ABCA13: variants seen among roughly 807,000 people sequenced by gnomAD.
ABCA13 encodes ATP-binding cassette sub-family A member 13.
ABCA13 carries 476 observed loss-of-function variants against 478.7 expected under a neutral mutation model. The observed-to-expected ratio is 0.99, with a 90% CI of 0.92 to 1.07. The LOEUF is 1.07. Among genes scored for constraint, ABCA13 ranks in the 50% least tolerant of loss-of-function variants. ABCA13 has a pLI of 0.00. For missense variants in ABCA13, 6,060 were observed against 5,910.6 expected (o/e 1.03, Z -0.83); for synonymous variants, 2,252 against 2,158.9 (o/e 1.04, Z -1.20).
In ABCA13 at chr7:48,244,500, A is replaced by T; in HGVS notation, c.1263-76A>T. ...CAAAGCAGTGGAATATTTTCCTTTG[A>T]ACGGAATTTTTATTTCCCTAATTGG... On this transcript the variant is annotated intron_variant, in intron 10 of 61. Transcript: ENST00000435803. The T allele has an allele frequency of 2.0e-6, 3 of 1,509,988 alleles. No individual in the cohort carries two copies. The South Asian group carries it at 3.7e-5, about 18-fold the overall frequency. The allele number at this position is 1,509,988 out of a possible 1,614,324, so 93.5% of individuals were successfully genotyped here.
Position 48,213,914 on chromosome 7 carries a change from T to C in ABCA13, c.288-5440T>C, listed in dbSNP as rs534576945. 2.6e-5 allele frequency among the ~76,000 whole-genome samples: 4 copies of C among 152,326 alleles called. No homozygotes were observed. In the South Asian group the frequency reaches 6.2e-4, roughly 24 times the overall value. ...TTCTGTCACATCTTAAGGCTCCACT[T>C]CTAATTCTAGTTCTTTTGCTATTTC... On this transcript the variant is annotated intron_variant, in intron 3 of 61. Coordinates refer to ENST00000435803, the MANE Select transcript of ABCA13 (RefSeq NM_152701.5).
chr7:48,618,981 A>G (rs1057299601), intron 59 of ABCA13, among the ~76,000 whole-genome samples: 4 of 152,222 alleles, frequency 2.6e-5, no homozygotes, highest in Non-Finnish European at 5.9e-5. Flanking sequence ...TGGTTAATAC[A>G]CACACTCCAG....
At chr7:48,532,031 T>C (rs60184691) in intron 55 of ABCA13, among the ~76,000 whole-genome samples, 21,079 of 151,908 alleles carry the variant, frequency 0.14, 1,828 homozygotes, top group African/African-American at 0.23. Context: ...ACTTCCAGTA[T>C]TATGTTGAAT....
intron 15 of ABCA13, among the ~76,000 whole-genome samples, chr7:48,252,696 C>G (rs1362511950): frequency 3.3e-5 from 5 of 152,158 alleles, no homozygotes; most frequent in African/African-American, 1.2e-4. Context: ...AAACCATTTT[C>G]TAGATTTAGT....
chr7:48,275,771 A>C lies in ABCA13; in HGVS notation c.6105A>C (p.Thr2035=). 6.2e-7 allele frequency: 1 copy of C among 1,611,404 alleles called. No homozygotes were observed. Among genetic ancestry groups the C allele is most frequent in the Non-Finnish European group, 8.5e-7 (1 of 1,178,526 alleles). ...TGATGCTCCAGAATGCAAATGTCACAGGTAGCAGTTTAGAAGCATTATCAA... is the reference window on the plus strand; with the variant it reads ...TGATGCTCCAGAATGCAAATGTCACCGGTAGCAGTTTAGAAGCATTATCAA... The part of the protein sequence containing the change: ...LFMMLQNANV[T]GSSLEALSSF... Residue 2035 remains threonine, a synonymous_variant, in exon 17 of 62, where the codon ACA becomes ACC. Transcript: ENST00000435803.
chr7:48,215,635 C>G (rs1584243342), intron 3 of ABCA13, among the ~76,000 whole-genome samples: 2 of 152,112 alleles, frequency 1.3e-5, no homozygotes, highest in Admixed American at 6.6e-5. Flanking sequence ...TAGGCCTGTA[C>G]ACAATTCAAT....
chr7:48,562,686 T>C (rs980542521), intron 55 of ABCA13, among the ~76,000 whole-genome samples: 1 of 152,202 alleles, frequency 6.6e-6, no homozygotes, highest in Non-Finnish European at 1.5e-5. Context: ...ACTGGGGGAC[T>C]AGATGCTGTC....
In ABCA13 at chr7:48,389,058, G is replaced by A. The variant is rs770314081; in HGVS notation, c.11492G>A (p.Arg3831Lys). The change falls in exon 37 of 62, where the codon AGG (arginine) becomes AAG (lysine). Residue 3831 changes from arginine to lysine, a missense_variant. Coordinates refer to ENST00000435803, the MANE Select transcript of ABCA13 (RefSeq NM_152701.5). The stretch of plus-strand genomic sequence containing the variant: ...CTCACAGGGTCATCACTGCAAAACA[G>A]GGAAGGAGAGCTTGAAGGAAGTGCC... The part of the protein sequence containing the change: ...FDNKGSSLQN[R>K]EGELEGSAPG... The A allele has an allele frequency of 1.9e-6, 3 of 1,613,852 alleles. No homozygotes were observed. The highest frequency in any genetic ancestry group is 2.2e-5 in the South Asian group (2 of 91,064).
chr7:48,621,974 C>T (rs1793181905), intron 59 of ABCA13, among the ~76,000 whole-genome samples: 7 of 152,178 alleles, frequency 4.6e-5, no homozygotes, highest in Admixed American at 4.6e-4. Context: ...GGACAGACAG[C>T]ATCTAGAGTA....
In ABCA13 at chr7:48,272,061, G is replaced by A. The variant is rs17547816; in HGVS notation, c.2395G>A (p.Glu799Lys). 65,153 of 1,613,604 alleles carry A rather than the reference G, an allele frequency of 0.04. 1,656 individuals are homozygous for A. The highest frequency in any genetic ancestry group is 0.043 in the Middle Eastern group (260 of 6,062). Residue 799 changes from glutamate (E) to lysine (K), a missense_variant, in exon 17 of 62, where the codon GAA becomes AAA. Around this residue, in one of 3 missense-constraint regions of ABCA13, gnomAD observed 4,423 missense variants for 4,309.1 expected, o/e 1.03. Transcript: ENST00000435803. ...DAQKLLEFGN[E>K]VIWKMQTLGS... ...TCAGAAACTCTTGGAATTTGGCAAC[G>A]AAGTGATTTGGAAAATGCAGACTCT... is the stretch of plus-strand genomic sequence containing the variant.
Position 48,644,761 on chromosome 7 carries a change from T to C in ABCA13, c.15081+7T>C. ...CCAAACCACTTTGGAGCAGGTATAG[T>C]ATCTTGAATGATTCAGGAGGTTGAA... On this transcript the variant is annotated splice_region_variant and intron_variant, in intron 61 of 61. Transcript: ENST00000435803. The C allele has an allele frequency of 1.3e-6, 2 of 1,580,726 alleles. No homozygotes were observed. The highest frequency in any genetic ancestry group is 1.7e-6 in the Non-Finnish European group (2 of 1,167,470).
chr7:48,524,636 G>A (rs1832769073), intron 54 of ABCA13, among the ~76,000 whole-genome samples, 196 bp downstream of exon 54: 2 of 128,426 alleles, frequency 1.6e-5, no homozygotes, highest in Admixed American at 1.4e-4. Context: ...AAACTTGGCT[G>A]ATTGATAGGA....
chr7:48,457,850 G>C (rs1030154247), intron 43 of ABCA13, among the ~76,000 whole-genome samples: 2 of 152,198 alleles, frequency 1.3e-5, no homozygotes, highest in African/African-American at 4.8e-5. Context: ...TAGAGTGGTA[G>C]TTTAGTTAGT....
In ABCA13 at chr7:48,195,716, CATA is replaced by C. The variant is rs1435896730; in HGVS notation, c.164-2520_164-2518del. On this transcript the variant is annotated intron_variant, in intron 2 of 61. Transcript: ENST00000435803. ...ACCTAAGAAGGAGAAACTTCCAGAA[CATA>C]GGCCTCAAGAAGAGCACATTCAAGG... Among the ~76,000 whole-genome samples, 4 of 152,240 alleles carry C rather than the reference CATA, an allele frequency of 2.6e-5. No homozygotes were observed. The East Asian group carries it at 7.7e-4, about 29-fold the overall frequency.
At chr7:48,464,841 C>T (rs1055563775) in intron 43 of ABCA13, among the ~76,000 whole-genome samples, 35 of 152,268 alleles carry the variant, frequency 2.3e-4, no homozygotes, top group African/African-American at 8.2e-4. Context: ...CAAGGGTAAG[C>T]CTCCAGTTAA....
At chr7:48,434,597 C>G (rs1046766292) in intron 42 of ABCA13, among the ~76,000 whole-genome samples, 1 of 151,884 alleles carries the variant, frequency 6.6e-6, no homozygotes, top group East Asian at 1.9e-4. Context: ...CTGCAATATC[C>G]TGAAGTTTTT....
At chr7:48,177,784 G>A (rs36165584) in intron 1 of ABCA13, among the ~76,000 whole-genome samples, 59,031 of 152,078 alleles carry the variant, frequency 0.39, 13,200 homozygotes, top group Non-Finnish European at 0.51. Flanking sequence ...ACTTCTGTTT[G>A]GCTAGATGAG....
chr7:48,607,017 G>C (rs146944845), intron 58 of ABCA13, among the ~76,000 whole-genome samples: 1 of 152,158 alleles, frequency 6.6e-6, no homozygotes. Context: ...GGGTGAAACC[G>C]CGTACTGAAG....
At chr7:48,313,301 C>T in intron 25 of ABCA13, 70 bp downstream of exon 25, 3 of 1,448,636 alleles carry the variant, frequency 2.1e-6, no homozygotes, top group Non-Finnish European at 2.8e-6. Flanking sequence ...CCCCTTTTTG[C>T]CTTTATCTTC....
Sources: gnomAD v4.1 joint callset for allele counts (sites outside exome capture counted in the v4.1 genomes callset) on GRCh38, gnomAD v4.1.1 for gene constraint, gnomAD v4.1.1 regional missense constraint, MANE v1.5 for transcripts, NCBI Gene and HGNC (gene_info 2026-07-23, HGNC 2026-07-21) for gene names.